Variants in ZFAND3 observed in about 807,000 individuals in gnomAD.
ZFAND3 encodes the protein AN1-type zinc finger protein 3.
A neutral mutation model predicts 29.6 loss-of-function variants in ZFAND3; 10 were observed. That is an observed-to-expected ratio of 0.34 (90% CI 0.21 to 0.57). The LOEUF (loss-of-function observed/expected upper bound fraction) is 0.57. ZFAND3 is among the 20% of genes least tolerant of loss of function. The probability of loss-of-function intolerance (pLI) is 0.86; values close to 1 mark genes in which losing one functional copy is unlikely to be tolerated. For missense variants in ZFAND3, 230 were observed against 304.5 expected (o/e 0.76, Z 1.82); for synonymous variants, 128 against 112.6 (o/e 1.14, Z -0.87).
chr6:38,072,496 T>C (rs1764476658), intron 3 of ZFAND3, among the ~76,000 whole-genome samples: 1 of 152,212 alleles, frequency 6.6e-6, no homozygotes, highest in African/African-American at 2.4e-5. Context: ...TCCTTCTCTG[T>C]GAAAGTAAAG....
At chr6:38,139,403 G>A (rs1018308953) in intron 5 of ZFAND3, among the ~76,000 whole-genome samples, 2 of 152,072 alleles carry the variant, frequency 1.3e-5, no homozygotes, top group Non-Finnish European at 2.9e-5. Context: ...CACAAATGAC[G>A]CTAAATTAAA....
intron 2 of ZFAND3, among the ~76,000 whole-genome samples, chr6:38,029,344 C>G (rs369117799): frequency 6.6e-6 from 1 of 152,160 alleles, no homozygotes; most frequent in South Asian, 2.1e-4. Flanking sequence ...GGAAGAATAG[C>G]TATTCTGATT....
In ZFAND3 at chr6:37,848,328, G is replaced by C. The variant is rs943219274; in HGVS notation, c.71+28312G>C. Among the ~76,000 whole-genome samples, 11 of 152,362 alleles carry C rather than the reference G, an allele frequency of 7.2e-5. 1 individual carries two copies. The highest frequency in any genetic ancestry group is 3.3e-4 in the Admixed American group (5 of 15,302). On this transcript the variant is annotated intron_variant, in intron 1 of 5. Coordinates refer to ENST00000287218, the MANE Select transcript of ZFAND3 (RefSeq NM_021943.3). ...GCTTTTGAGAAGCTACTAATTGGCA[G>C]TTCCAAACTGGACAGATTGAGGCCA...
intron 3 of ZFAND3, among the ~76,000 whole-genome samples, chr6:38,063,678 T>G (rs1002488092): frequency 6.6e-6 from 1 of 152,144 alleles, no homozygotes; most frequent in African/African-American, 2.4e-5. Context: ...AATGACTGTC[T>G]TAGGGCCATT....
At position 37,965,033 on chromosome 6, in the gene ZFAND3, A is replaced by G. The variant is rs539326052; in HGVS notation, c.112+35034A>G. On this transcript the variant is annotated intron_variant, in intron 2 of 5. Transcript: ENST00000287218. The stretch of plus-strand genomic sequence containing the variant: ...TGAAAATTAGTGTGTTGCTTTTTAA[A>G]CTATCTGTGGTAAAAGACCAGTTCT... 4.6e-5 allele frequency among the ~76,000 whole-genome samples: 7 copies of G among 152,318 alleles called. No individual in the cohort carries two copies. In the East Asian group the frequency reaches 9.6e-4, roughly 21 times the overall value.
chr6:37,891,166 G>A lies in ZFAND3; in HGVS notation c.72-38793G>A, dbSNP rs187395796. Among the ~76,000 whole-genome samples, 194 of 152,160 alleles carry A rather than the reference G, an allele frequency of 1.3e-3. 1 individual carries two copies. Among genetic ancestry groups the A allele is most frequent in the Non-Finnish European group, 2.2e-3 (151 of 68,014 alleles). On this transcript the variant is annotated intron_variant, in intron 1 of 5. Transcript: ENST00000287218. ...TCATATAAATGGAATCATACAATACGTGGTCTTTTGTGACTGGCTTCTTTA... is the reference window on the plus strand; with the variant it reads ...TCATATAAATGGAATCATACAATACATGGTCTTTTGTGACTGGCTTCTTTA...
At chr6:37,977,456 T>C (rs1035463411) in intron 2 of ZFAND3, among the ~76,000 whole-genome samples, 1 of 152,078 alleles carries the variant, frequency 6.6e-6, no homozygotes, top group South Asian at 2.1e-4. Context: ...TGCCCACCAC[T>C]ACGCCTGGGT....
At chr6:38,109,597 T>C (rs1765276125) in intron 4 of ZFAND3, among the ~76,000 whole-genome samples, 2 of 152,098 alleles carry the variant, frequency 1.3e-5, no homozygotes, top group South Asian at 4.1e-4. Context: ...TCTGGTATCA[T>C]GGTGTACCGC....
intron 5 of ZFAND3, among the ~76,000 whole-genome samples, chr6:38,124,570 T>G (rs1765596993): frequency 6.6e-6 from 1 of 152,214 alleles, no homozygotes; most frequent in Admixed American, 6.5e-5. Flanking sequence ...CTGCAGCTAC[T>G]GGCCTGGGTG....
chr6:38,032,579 T>C (rs1162075301), intron 2 of ZFAND3, among the ~76,000 whole-genome samples: 1 of 152,198 alleles, frequency 6.6e-6, no homozygotes, highest in Non-Finnish European at 1.5e-5. Context: ...GAAGAACTCT[T>C]GGGAAAGGTA....
intron 1 of ZFAND3, among the ~76,000 whole-genome samples, chr6:37,908,455 T>C (rs1391577549): frequency 6.7e-6 from 1 of 149,346 alleles, no homozygotes; most frequent in Non-Finnish European, 1.5e-5. Context: ...CTGCACCCAC[T>C]AACGTGTCAT....
intron 2 of ZFAND3, among the ~76,000 whole-genome samples, chr6:38,060,948 T>C (rs1057275530): frequency 6.6e-6 from 1 of 152,216 alleles, no homozygotes; most frequent in Non-Finnish European, 1.5e-5. Context: ...TATTGTATTT[T>C]TGATCTGCAT....
intron 2 of ZFAND3, among the ~76,000 whole-genome samples, chr6:38,009,442 C>T (rs1004148270): frequency 6.6e-6 from 1 of 152,178 alleles, no homozygotes. Context: ...GTGTTTATTT[C>T]CCACCCTGCA....
chr6:38,121,122 G>C (rs1325995354), intron 5 of ZFAND3, among the ~76,000 whole-genome samples: 1 of 152,252 alleles, frequency 6.6e-6, no homozygotes, highest in East Asian at 1.9e-4. Flanking sequence ...AGGAGGCCAA[G>C]GTGGGGGAAT....
intron 2 of ZFAND3, among the ~76,000 whole-genome samples, chr6:37,955,377 G>A (rs1360306389): frequency 6.6e-6 from 1 of 152,038 alleles, no homozygotes; most frequent in Non-Finnish European, 1.5e-5. Flanking sequence ...AAATCTCAAG[G>A]GAACCAAAGT....
At chr6:37,948,730 G>T (rs1488821174) in intron 2 of ZFAND3, among the ~76,000 whole-genome samples, 2 of 152,120 alleles carry the variant, frequency 1.3e-5, no homozygotes, top group South Asian at 4.1e-4. Context: ...GTTCCTGTAT[G>T]TGTTTGCTAA....
chr6:38,019,559 G>C (rs963451066), intron 2 of ZFAND3, among the ~76,000 whole-genome samples: 1 of 151,994 alleles, frequency 6.6e-6, no homozygotes, highest in Admixed American at 6.6e-5. Flanking sequence ...AAATATATTA[G>C]TCTTTACTTT....
intron 1 of ZFAND3, among the ~76,000 whole-genome samples, chr6:37,924,099 A>G (rs371617172): frequency 1.4e-4 from 22 of 152,150 alleles, no homozygotes; most frequent in African/African-American, 5.1e-4. Flanking sequence ...GTGTCATTAG[A>G]AAGAAACTTT....
At chr6:37,839,341 T>C (rs1764027894) in intron 1 of ZFAND3, among the ~76,000 whole-genome samples, 1 of 150,928 alleles carries the variant, frequency 6.6e-6, no homozygotes, top group African/African-American at 2.4e-5. Context: ...CCACCATGCC[T>C]AGCTAATTTT....
Sources: gnomAD v4.1 joint callset for allele counts (sites outside exome capture counted in the v4.1 genomes callset) on GRCh38, gnomAD v4.1.1 for gene constraint, MANE v1.5 for transcripts, NCBI Gene and HGNC (gene_info 2026-07-23, HGNC 2026-07-21) for gene names.